RAD52: variants seen among roughly 807,000 people sequenced by gnomAD.
RAD52 encodes the protein DNA repair protein RAD52 homolog.
RAD52 carries 47 observed loss-of-function variants against 55.5 expected under a neutral mutation model. That is an observed-to-expected ratio of 0.85 (90% confidence interval 0.67 to 1.08). The LOEUF is 1.08. Among genes scored for constraint, RAD52 ranks in the 50% least tolerant of loss-of-function variants. The pLI, the probability that RAD52 is intolerant of heterozygous loss-of-function variation, is 0.00. For synonymous variants in RAD52, 184 were observed against 198.9 expected, an observed-to-expected ratio of 0.92 and a Z score of 0.63; for missense variants, 468 against 522.8, an observed-to-expected ratio of 0.90 and a Z score of 1.02.
intron 1 of RAD52, among the ~76,000 whole-genome samples, chr12:947,028 C>CTTTT (rs1254710044): frequency 3.3e-5 from 5 of 152,172 alleles, no homozygotes; most frequent in African/African-American, 1.2e-4. Flanking sequence ...GAATAGAACA[C>CTTTT]TTTAAAAAAC....
rs754180808 is a variant in RAD52, at chr12:929,698, C to T, written c.348+121G>A. 6.4e-6 allele frequency: 6 copies of T among 943,210 alleles called. No homozygotes were observed. The East Asian group carries it at 1.2e-4, about 19-fold the overall frequency. 58.4% of individuals were successfully genotyped at this position (943,210 alleles called of 1,614,324 possible). A position where few individuals can be genotyped will look rare whatever the true frequency, so the allele number is the denominator to read the frequency against. Reference sequence around the variant, plus strand: ...ATTTGAATTCCACCACTCTAGGGAACGCTGGCTGAGACACAACTCTGGAGC... The same window carrying T: ...ATTTGAATTCCACCACTCTAGGGAATGCTGGCTGAGACACAACTCTGGAGC... On this transcript the variant is annotated intron_variant, in intron 5 of 11. Transcript: ENST00000358495.
intron 1 of RAD52, among the ~76,000 whole-genome samples, chr12:933,531 C>T (rs1432937018): frequency 4.0e-5 from 6 of 151,754 alleles, no homozygotes; most frequent in Admixed American, 1.3e-4. Context: ...CTGCTCCAAT[C>T]CAGAACAGAG....
At chr12:917,283 C>T (rs1273305746) in intron 7 of RAD52, among the ~76,000 whole-genome samples, 2 of 152,164 alleles carry the variant, frequency 1.3e-5, no homozygotes, top group Non-Finnish European at 2.9e-5. Flanking sequence ...TTGGGAGGCA[C>T]GGACGCCGGC....
chr12:919,314 C>T (rs1003784616), intron 7 of RAD52, among the ~76,000 whole-genome samples: 3 of 152,028 alleles, frequency 2.0e-5, no homozygotes, highest in South Asian at 4.2e-4. Context: ...GGCATGGTGG[C>T]GGGCGCCTGT....
intron 6 of RAD52, chr12:926,811 G>A (rs1957060426): frequency 2.0e-6 from 3 of 1,536,674 alleles, no homozygotes; most frequent in African/African-American, 2.7e-5. Context: ...CGTAGCGGAG[G>A]ACTGCTGAGG....
rs1031311560 is a variant in RAD52, at chr12:912,253, G to A, written c.*1138C>T. ...AGTGGAAAATTCCACACGTGACCTCGTGTGACAAGTCGCAAAGCACCAGGC... is the reference window on the plus strand; with the variant it reads ...AGTGGAAAATTCCACACGTGACCTCATGTGACAAGTCGCAAAGCACCAGGC... On this transcript the variant is annotated 3_prime_UTR_variant, in exon 12 of 12. Transcript: ENST00000358495. The A allele has an allele frequency of 3.0e-5, 6 of 196,726 alleles. No individual in the cohort carries two copies. The highest frequency in any genetic ancestry group is 7.0e-5 in the African/African-American group (3 of 43,154). 12.2% of individuals were successfully genotyped at this position (196,726 alleles called of 1,614,324 possible). A position where few individuals can be genotyped will look rare whatever the true frequency, so the allele number is the denominator to read the frequency against.
At chr12:964,965 G>GGGTT (rs1555181837) in intron 1 of RAD52, among the ~76,000 whole-genome samples, 1 of 151,234 alleles carries the variant, frequency 6.6e-6, no homozygotes, top group Non-Finnish European at 1.5e-5. Context: ...CCGCCTGCCT[G>GGGTT]CCTTCCTTCC....
intron 1 of RAD52, among the ~76,000 whole-genome samples, chr12:966,357 T>TG (rs1958770121): frequency 6.6e-6 from 1 of 152,030 alleles, no homozygotes; most frequent in East Asian, 1.9e-4. Flanking sequence ...TTCCTGGATA[T>TG]AATAATGGAA....
intron 1 of RAD52, among the ~76,000 whole-genome samples, chr12:961,148 A>G (rs1376567367): frequency 6.6e-6 from 1 of 151,470 alleles, no homozygotes; most frequent in Non-Finnish European, 1.5e-5. Flanking sequence ...ACCCCGTACT[A>G]AAAGTACAAA....
At chr12:962,702 TTATTTATC>T (rs1334769202) in intron 1 of RAD52, among the ~76,000 whole-genome samples, 2 of 151,350 alleles carry the variant, frequency 1.3e-5, no homozygotes, top group African/African-American at 4.9e-5. Context: ...CCTTATTTAT[TTATTTATC>T]TATCTATTTA....
intron 1 of RAD52, among the ~76,000 whole-genome samples, chr12:944,927 G>C (rs1958128708): frequency 6.6e-6 from 1 of 152,120 alleles, no homozygotes; most frequent in South Asian, 2.1e-4. Context: ...ATGTGACAAG[G>C]TGATGGGTGA....
intron 1 of RAD52, among the ~76,000 whole-genome samples, chr12:979,736 A>G (rs1012060711): frequency 1.3e-5 from 2 of 152,066 alleles, no homozygotes; most frequent in Admixed American, 6.6e-5. Flanking sequence ...TAAGCCACCC[A>G]CTTTGCAGTA....
At chr12:930,177 T>C in intron 3 of RAD52, 33 bp from the exon 4 acceptor site, 1 of 1,493,094 alleles carries the variant, frequency 6.7e-7, no homozygotes, top group Non-Finnish European at 9.2e-7. Context: ...GGAAAAGCTG[T>C]GTTAATTCCT....
intron 9 of RAD52, chr12:916,134 G>T (rs1956357484): frequency 4.7e-6 from 6 of 1,275,518 alleles, no homozygotes; most frequent in Non-Finnish European, 5.0e-6. Flanking sequence ...GGGGAAAAAA[G>T]AAATCATTGT....
intron 1 of RAD52, among the ~76,000 whole-genome samples, chr12:979,561 G>A (rs1347641714): frequency 6.9e-6 from 1 of 144,406 alleles, no homozygotes; most frequent in East Asian, 1.9e-4. Flanking sequence ...CTCTCTGTGC[G>A]TGTGTGTGTG....
At chr12:933,231 G>T (rs1055266308) in intron 1 of RAD52, among the ~76,000 whole-genome samples, 155 bp from the exon 2 acceptor site, 5 of 152,050 alleles carry the variant, frequency 3.3e-5, no homozygotes, top group African/African-American at 1.2e-4. Flanking sequence ...GGCCGAGGTG[G>T]GTGGATCACA....
At chr12:952,178 G>A (rs1367966239), upstream of RAD52, among the ~76,000 whole-genome samples, 2 of 152,158 alleles carry the variant, frequency 1.3e-5, no homozygotes, top group East Asian at 3.9e-4. Context: ...TGCTCAGGCT[G>A]GTCTTGAACT....
At chr12:922,217 A>AC (rs1362997337) in intron 7 of RAD52, among the ~76,000 whole-genome samples, 22 of 141,672 alleles carry the variant, frequency 1.6e-4, no homozygotes, top group Non-Finnish European at 2.2e-4. Flanking sequence ...AAAAAAACCA[A>AC]AAACTCAGAA....
At position 967,865 on chromosome 12, in the gene RAD52, G is replaced by T. The variant is rs11064621; in HGVS notation, c.-19+21944C>A. Reference sequence around the variant, plus strand: ...GTGGGAGGATCACCTGAGCCCAGGAGGGGGAGGTTGCAGTGAGCCGAGATC... The same window carrying T: ...GTGGGAGGATCACCTGAGCCCAGGATGGGGAGGTTGCAGTGAGCCGAGATC... On this transcript the variant is annotated intron_variant, in intron 1 of 11. Coordinates refer to the RAD52 transcript ENST00000430095. 1.9e-4 allele frequency among the ~76,000 whole-genome samples: 29 copies of T among 151,996 alleles called. No homozygotes were observed. In the South Asian group the frequency reaches 6.0e-3, roughly 32 times the overall value.
Sources: allele counts gnomAD v4.1 joint callset (sites outside exome capture counted in the v4.1 genomes callset), GRCh38; gene constraint gnomAD v4.1.1; transcripts MANE v1.5; gene names NCBI Gene and HGNC (gene_info 2026-07-23, HGNC 2026-07-21).